GUCA1B: variants seen among roughly 807,000 people sequenced by gnomAD.
GUCA1B encodes guanylate cyclase activator 1B.
GUCA1B carries 22 observed loss-of-function variants against 24.2 expected under a neutral mutation model. That is an observed-to-expected ratio of 0.91 (90% CI 0.65 to 1.30). The LOEUF (loss-of-function observed/expected upper bound fraction) is 1.30, where lower values mean the gene tolerates loss of function less well. GUCA1B is among the 50% of genes most tolerant of loss of function. The probability of loss-of-function intolerance (pLI) is 0.00; values close to 1 mark genes in which losing one functional copy is unlikely to be tolerated. For synonymous variants in GUCA1B, 100 were observed against 97.9 expected, an observed-to-expected ratio of 1.02 and a Z score of -0.13; for missense variants, 221 against 258.8, an observed-to-expected ratio of 0.85 and a Z score of 1.00.
rs1419352944 is a variant in GUCA1B, at chr6:42,184,227, C to T, written c.*588G>A. On this transcript the variant is annotated 3_prime_UTR_variant, in exon 4 of 4. Transcript: ENST00000230361. ...GCCTCAGCCTCCTGAGTAGCTGGGA[C>T]TACAGGCGCCCGCCACCTCACCCGG... 6.6e-6 allele frequency among the ~76,000 whole-genome samples: 1 copy of T among 152,086 alleles called. No homozygotes were observed. Among genetic ancestry groups the T allele is most frequent in the Non-Finnish European group, 1.5e-5 (1 of 67,996 alleles).
At chr6:42,192,388 A>AG (rs1562064902) in intron 1 of GUCA1B, among the ~76,000 whole-genome samples, 5 of 7,638 alleles carry the variant, frequency 6.5e-4, no homozygotes, top group East Asian at 6.0e-3. Flanking sequence ...AAAGAGAGAA[A>AG]AGAAAAGAAA....
At chr6:42,186,598 A>G (rs1262405952) in intron 2 of GUCA1B, among the ~76,000 whole-genome samples, 1 of 85,386 alleles carries the variant, frequency 1.2e-5, no homozygotes, top group Admixed American at 1.1e-4. Flanking sequence ...GTCTCAGAAA[A>G]AAAAAAGAAA....
At chr6:42,187,745 T>C (rs1324248059) in intron 2 of GUCA1B, among the ~76,000 whole-genome samples, 3 of 152,140 alleles carry the variant, frequency 2.0e-5, no homozygotes, top group Non-Finnish European at 4.4e-5. Context: ...TCCTTTTTTC[T>C]AATTTCCTGA....
chr6:42,191,226 A>G (rs1237809340), intron 1 of GUCA1B, among the ~76,000 whole-genome samples: 3 of 152,148 alleles, frequency 2.0e-5, no homozygotes, highest in Admixed American at 2.0e-4. Flanking sequence ...TGCATGTTAT[A>G]TAAGAATCCT....
rs956438236 is a variant in GUCA1B at position 42,189,890 on chromosome 6, CT to C, written c.208-1160del. ...TGCAGTGGGTTAGCTGTGCTAGTGT[CT>C]CACTTACAGGTGCTCACTTATTCCA... On this transcript the variant is annotated intron_variant, in intron 1 of 3. Transcript: ENST00000230361. Among the ~76,000 whole-genome samples the C allele has an allele frequency of 2.5e-4, 38 of 152,340 alleles. 1 individual carries two copies. Among genetic ancestry groups the C allele is most frequent in the African/African-American group, 9.1e-4 (38 of 41,578 alleles).
Position 42,188,566 on chromosome 6 carries a change from G to A in GUCA1B, c.357+16C>T. 1 of 1,613,514 alleles carries A rather than the reference G, an allele frequency of 6.2e-7. No homozygotes were observed. Among genetic ancestry groups the A allele is most frequent in the Non-Finnish European group, 8.5e-7 (1 of 1,179,516 alleles). On this transcript the variant is annotated intron_variant, in intron 2 of 3. Transcript: ENST00000230361. ...TCTAGTGCCCAGGCTGCTGGCCCAT[G>A]GGCAGAGACACTAACCTCCACAATG...
At chr6:42,186,546 T>C (rs1409544189) in intron 2 of GUCA1B, among the ~76,000 whole-genome samples, 1 of 151,952 alleles carries the variant, frequency 6.6e-6, no homozygotes, top group Non-Finnish European at 1.5e-5. Flanking sequence ...TGGGCCGAGA[T>C]TGCGCCACTG....
chr6:42,193,378 AT>A (rs1388416344), intron 1 of GUCA1B, among the ~76,000 whole-genome samples: 1 of 101,784 alleles, frequency 9.8e-6, no homozygotes, highest in African/African-American at 2.7e-5. Flanking sequence ...CTTTTCTTAC[AT>A]TTTAAAAAAA....
intron 1 of GUCA1B, among the ~76,000 whole-genome samples, chr6:42,192,021 T>A: frequency 8.1e-6 from 1 of 123,412 alleles, no homozygotes. Context: ...AACAAGTAAA[T>A]GCAATGTATG....
chr6:42,188,588 A>C lies in GUCA1B; in HGVS notation c.351T>G (p.Ile117Met). 2 of 1,613,966 alleles carry C rather than the reference A, an allele frequency of 1.2e-6. No individual in the cohort carries two copies. Among genetic ancestry groups the C allele is most frequent in the Non-Finnish European group, 1.7e-6 (2 of 1,179,968 alleles). Residue 117 changes from isoleucine to methionine, a missense_variant, in exon 2 of 4, where the codon ATT (isoleucine) becomes ATG (methionine). By Grantham distance (10) the Ile-to-Met change is conservative. Transcript: ENST00000230361. ...GCIDRLELLN[I>M]VEGIYQLKKA... The stretch of plus-strand genomic sequence containing the variant: ...CATGGGCAGAGACACTAACCTCCAC[A>C]ATGTTGAGTAGCTCCAGGCGGTCGA...
In GUCA1B at chr6:42,188,442, C is replaced by T. The variant is rs1195510955; in HGVS notation, c.357+140G>A. 5.5e-6 allele frequency: 4 copies of T among 727,464 alleles called. No individual in the cohort carries two copies. In the East Asian group the frequency reaches 8.1e-5, roughly 15 times the overall value. 45.1% of individuals were successfully genotyped at this position (727,464 alleles called of 1,614,324 possible). A position where few individuals can be genotyped will look rare whatever the true frequency, so the allele number is the denominator to read the frequency against. On this transcript the variant is annotated intron_variant, in intron 2 of 3. Coordinates refer to ENST00000230361, the MANE Select transcript of GUCA1B (RefSeq NM_002098.6). ...TTAATTCCACTAGAAATTACACACT[C>T]AGAATGAGAACACAGGAAACACACT...
At chr6:42,184,994 C>T (rs1261793669) in intron 3 of GUCA1B, 52 bp from the exon 4 acceptor site, 1 of 1,597,534 alleles carries the variant, frequency 6.3e-7, no homozygotes, top group African/African-American at 1.3e-5. Context: ...AGACCTGGGT[C>T]TGGGGGCAGG....
intron 2 of GUCA1B, among the ~76,000 whole-genome samples, chr6:42,187,420 T>C (rs1435109514): frequency 3.5e-5 from 5 of 144,660 alleles, no homozygotes; most frequent in African/African-American, 5.0e-5. Context: ...TTATTTTACT[T>C]TTTTTTTTTT....
intron 2 of GUCA1B, 21 bp from the exon 3 acceptor site, chr6:42,185,818 G>A (rs2113844076): frequency 6.9e-7 from 1 of 1,438,990 alleles, no homozygotes; most frequent in Non-Finnish European, 9.8e-7. Flanking sequence ...AAACTCAGCT[G>A]CATTGACGGG....
rs1562064910 is a variant in GUCA1B, at chr6:42,192,388, AAGAAAAGAAAAGAAAAGAAAAAGG to A, written c.207+2202_207+2225del. On this transcript the variant is annotated intron_variant, in intron 1 of 3. Transcript: ENST00000230361. ...AAAAAAAAAAAAAAAAAAGAGAGAAAAGAAAAGAAAAGAAAAGAAAAAGGAAAAAAGAAAGAAACCTGGCCGGGT... is the reference window on the plus strand; with the variant it reads ...AAAAAAAAAAAAAAAAAAGAGAGAAAAAAAAAGAAAGAAACCTGGCCGGGT... Among the ~76,000 whole-genome samples the A allele has an allele frequency of 1.8e-3, 14 of 7,648 alleles. 1 individual carries two copies. The highest frequency in any genetic ancestry group is 5.4e-3 in the African/African-American group (14 of 2,582). 5.0% of individuals were successfully genotyped at this position (7,648 alleles called of 152,430 possible).
Position 42,184,923 on chromosome 6 carries a change from C to G in GUCA1B, c.495G>C (p.Glu165Asp), listed in dbSNP as rs1442553573. The G allele has an allele frequency of 1.9e-6, 3 of 1,614,180 alleles. No individual in the cohort carries two copies. Among genetic ancestry groups the G allele is most frequent in the Non-Finnish European group, 2.5e-6 (3 of 1,180,028 alleles). ...ENGDGQLSLNEFVEGARRDKW... is the reference protein window; with the variant it reads ...ENGDGQLSLNDFVEGARRDKW... Reference sequence around the variant, plus strand: ...TGTCCCGACGGGCACCTTCAACAAACTCGTTCAGAGACAGCTGGCCTGAGC... The same window carrying G: ...TGTCCCGACGGGCACCTTCAACAAAGTCGTTCAGAGACAGCTGGCCTGAGC... The change falls in exon 4 of 4, where the codon GAG becomes GAC. Residue 165 changes from glutamate (E) to aspartate (D), a missense_variant. By Grantham distance (45) the Glu-to-Asp change is conservative (BLOSUM62 2). Transcript: ENST00000230361.
intron 2 of GUCA1B, among the ~76,000 whole-genome samples, chr6:42,188,310 G>GTC (rs1554187085): frequency 3.5e-5 from 4 of 115,000 alleles, no homozygotes; most frequent in African/African-American, 1.3e-4. Flanking sequence ...GTGTGTGTGT[G>GTC]TGTGTGTGTG....
At chr6:42,190,378 T>TTTTTG (rs1768285344) in intron 1 of GUCA1B, among the ~76,000 whole-genome samples, 1 of 139,638 alleles carries the variant, frequency 7.2e-6, no homozygotes, top group African/African-American at 2.5e-5. Flanking sequence ...TTTTTTTTTT[T>TTTTTG]GGTGGGGAGG....
At chr6:42,185,370 C>G (rs926979642) in intron 3 of GUCA1B, among the ~76,000 whole-genome samples, 1 of 152,180 alleles carries the variant, frequency 6.6e-6, no homozygotes, top group Non-Finnish European at 1.5e-5. Context: ...ATTATTATCC[C>G]CATTTTCCAG....
Sources: gnomAD v4.1 joint callset for allele counts (sites outside exome capture counted in the v4.1 genomes callset) on GRCh38, gnomAD v4.1.1 for gene constraint, MANE v1.5 for transcripts, NCBI Gene and HGNC (gene_info 2026-07-23, HGNC 2026-07-21) for gene names.